Variants in ST6GAL1 observed in about 807,000 individuals in gnomAD.
The protein encoded by ST6GAL1 is ST6 beta-galactoside alpha-2,6-sialyltransferase 1.
A neutral mutation model predicts 38.0 loss-of-function variants in ST6GAL1; 20 were observed. The ratio of observed to expected loss-of-function variants is 0.53; its 90% confidence interval spans 0.37 to 0.77. ST6GAL1 has a LOEUF of 0.77. Among genes scored for constraint, ST6GAL1 ranks in the 30% least tolerant of loss-of-function variants. The pLI, the probability that ST6GAL1 is intolerant of heterozygous loss-of-function variation, is 0.00. For missense variants in ST6GAL1, 432 were observed against 496.4 expected (o/e 0.87, Z 1.23); for synonymous variants, 196 against 188.2 (o/e 1.04, Z -0.34).
intron 3 of ST6GAL1, among the ~76,000 whole-genome samples, chr3:187,042,422 G>C (rs1429663576): frequency 6.6e-6 from 1 of 152,104 alleles, no homozygotes. Context: ...AGAGGAAGAA[G>C]GGAGTGGAAG....
intron 2 of ST6GAL1, among the ~76,000 whole-genome samples, chr3:187,001,189 C>G (rs912176422): frequency 1.3e-5 from 2 of 152,152 alleles, no homozygotes; most frequent in Non-Finnish European, 2.9e-5. Context: ...TGTTCCTACC[C>G]GAACCCTGGA....
chr3:186,965,959 T>C (rs1416052204), intron 2 of ST6GAL1, among the ~76,000 whole-genome samples: 10 of 152,172 alleles, frequency 6.6e-5, no homozygotes, highest in Non-Finnish European at 1.3e-4. Context: ...AGTACAGTGG[T>C]GCGATCTCAG....
intron 2 of ST6GAL1, among the ~76,000 whole-genome samples, chr3:186,975,593 T>C (rs1715496396): frequency 6.6e-6 from 1 of 152,190 alleles, no homozygotes; most frequent in South Asian, 2.1e-4. Context: ...TTCCCCACAG[T>C]GTGTTCTTCC....
rs149685872 is a variant in ST6GAL1 at position 187,030,249 on chromosome 3, C to A, written c.-182-8493C>A. Among the ~76,000 whole-genome samples the A allele has an allele frequency of 2.0e-3, 299 of 152,206 alleles. 6 individuals are homozygous for A. In the East Asian group the frequency reaches 0.045, roughly 23 times the overall value. On this transcript the variant is annotated intron_variant, in intron 2 of 7. Coordinates refer to ENST00000169298, the MANE Select transcript of ST6GAL1 (RefSeq NM_173216.2). ...GTGGGGTCATAGGTAGCGCTGTCTG[C>A]ACAGGGTCTCTGTGAGGATGACATG...
chr3:186,957,033 T>C (rs1209251712), intron 1 of ST6GAL1, among the ~76,000 whole-genome samples: 1 of 152,220 alleles, frequency 6.6e-6, no homozygotes, highest in African/African-American at 2.4e-5. Flanking sequence ...AAGAGGAGTT[T>C]CAGAGACTAA....
In ST6GAL1 at chr3:187,075,760, T is replaced by C; in HGVS notation, c.1178T>C (p.Leu393Pro). The C allele has an allele frequency of 6.2e-7, 1 of 1,614,250 alleles. No homozygotes were observed. Among genetic ancestry groups the C allele is most frequent in the South Asian group, 1.1e-5 (1 of 91,086 alleles). The change falls in exon 8 of 8, where the codon CTT (leucine) becomes CCT (proline). Residue 393 changes from leucine to proline, a missense_variant. Transcript: ENST00000169298. The surrounding 1 kb of genome is among the most constrained non-coding windows in gnomAD (Gnocchi z 4.1). ...GGCACAGATGAGGACATCTACCTGC[T>C]TGGAAAAGCCACACTGCCTGGCTTC... The part of the protein sequence containing the change: ...NQGTDEDIYL[L>P]GKATLPGFRT...
intron 2 of ST6GAL1, among the ~76,000 whole-genome samples, chr3:187,031,586 T>G (rs1248161039): frequency 6.6e-6 from 1 of 151,968 alleles, no homozygotes; most frequent in Non-Finnish European, 1.5e-5. Flanking sequence ...CAGACACACG[T>G]CACCACGCCC....
At chr3:187,047,197 G>A (rs867725644) in intron 4 of ST6GAL1, among the ~76,000 whole-genome samples, 70 of 151,264 alleles carry the variant, frequency 4.6e-4, no homozygotes, top group African/African-American at 1.3e-3. Flanking sequence ...CGCCCACCTC[G>A]GCCTCCCAAA....
rs192289141 is a variant in ST6GAL1 at position 186,952,784 on chromosome 3, T to C, written c.-324-11001T>C. Among the ~76,000 whole-genome samples the C allele has an allele frequency of 5.3e-5, 8 of 152,190 alleles. No individual in the cohort carries two copies. Among genetic ancestry groups the C allele is most frequent in the Non-Finnish European group, 1.2e-4 (8 of 68,038 alleles). On this transcript the variant is annotated intron_variant, in intron 1 of 7. Transcript: ENST00000169298. This position sits in a 1 kb window ranked among gnomAD's most constrained non-coding sequence, Gnocchi z 4.1. Reference sequence around the variant, plus strand: ...TTCCCCTGAGTTCCATGCTCAGATATTCAACCATCTACTTGACAAGTTTCC... The same window carrying C: ...TTCCCCTGAGTTCCATGCTCAGATACTCAACCATCTACTTGACAAGTTTCC...
chr3:187,067,992 G>C (rs574450291), intron 5 of ST6GAL1, among the ~76,000 whole-genome samples: 1 of 152,308 alleles, frequency 6.6e-6, no homozygotes, highest in East Asian at 1.9e-4. Flanking sequence ...TTCCCCAAGA[G>C]CTGTGGTACC....
chr3:187,054,868 G>T (rs1350741721), intron 5 of ST6GAL1, among the ~76,000 whole-genome samples: 1 of 152,100 alleles, frequency 6.6e-6, no homozygotes, highest in Non-Finnish European at 1.5e-5. Context: ...GTTTCAGAAG[G>T]ATTGATACAA....
chr3:187,023,823 A>G (rs1717417595), intron 2 of ST6GAL1, among the ~76,000 whole-genome samples: 2 of 151,964 alleles, frequency 1.3e-5, no homozygotes, highest in African/African-American at 2.4e-5. Context: ...AACATGGCAC[A>G]TGTATACATA....
chr3:186,961,561 C>CA (rs768953637), intron 1 of ST6GAL1, among the ~76,000 whole-genome samples: 1 of 152,096 alleles, frequency 6.6e-6, no homozygotes, highest in Non-Finnish European at 1.5e-5. Flanking sequence ...AACCATTTTC[C>CA]AAAGGACTTA....
chr3:186,939,489 G>A (rs1237937885), intron 1 of ST6GAL1, among the ~76,000 whole-genome samples: 1 of 152,160 alleles, frequency 6.6e-6, no homozygotes, highest in African/African-American at 2.4e-5. Context: ...TTTCAAATAA[G>A]GGCCCCACCC....
chr3:186,970,477 C>A (rs539330682), intron 2 of ST6GAL1, among the ~76,000 whole-genome samples: 1 of 151,880 alleles, frequency 6.6e-6, no homozygotes, highest in African/African-American at 2.4e-5. Flanking sequence ...CCTGCCTCAG[C>A]CTCCCAAAGT....
intron 1 of ST6GAL1, among the ~76,000 whole-genome samples, chr3:186,943,332 C>G (rs970989288): frequency 6.6e-6 from 1 of 152,188 alleles, no homozygotes. Flanking sequence ...GGTTGATATT[C>G]CTGGAGAGAA....
At chr3:186,998,898 A>G (rs1475305959) in intron 2 of ST6GAL1, among the ~76,000 whole-genome samples, 1 of 152,188 alleles carries the variant, frequency 6.6e-6, no homozygotes, top group Non-Finnish European at 1.5e-5. Flanking sequence ...ATCACGTGAA[A>G]AGTTTATTAC....
chr3:186,991,460 G>A (rs2108545762), intron 2 of ST6GAL1, among the ~76,000 whole-genome samples: 1 of 152,270 alleles, frequency 6.6e-6, no homozygotes, highest in Middle Eastern at 3.4e-3. Flanking sequence ...GGGGATCAGG[G>A]AGGCTTTGGC....
At chr3:186,977,011 G>A (rs1396255706) in intron 2 of ST6GAL1, among the ~76,000 whole-genome samples, 1 of 152,152 alleles carries the variant, frequency 6.6e-6, no homozygotes, top group Admixed American at 6.6e-5. Context: ...AGAGGAGATC[G>A]GCTTGTTCTT....
Sources: gnomAD v4.1 joint callset for allele counts (sites outside exome capture counted in the v4.1 genomes callset) on GRCh38, gnomAD v4.1.1 for gene constraint, Gnocchi (gnomAD v3.1) non-coding constraint, MANE v1.5 for transcripts, NCBI Gene and HGNC (gene_info 2026-07-23, HGNC 2026-07-21) for gene names.